The following ITPR1 variants were observed in gnomAD, a reference collection of about 807,000 sequenced individuals.
The protein encoded by ITPR1 is inositol 1,4,5-trisphosphate receptor type 1.
A neutral mutation model predicts 318.4 loss-of-function variants in ITPR1; 96 were observed. That is an observed-to-expected ratio of 0.30 (90% CI 0.26 to 0.36). The LOEUF (loss-of-function observed/expected upper bound fraction) is 0.36. Among genes scored for constraint, ITPR1 ranks in the 10% least tolerant of loss-of-function variants. ITPR1 has a pLI of 1.00. For synonymous variants in ITPR1, 1,312 were observed against 1,289.9 expected, an observed-to-expected ratio of 1.02 and a Z score of -0.37; for missense variants, 2,440 against 3,460.2, an observed-to-expected ratio of 0.71 and a Z score of 7.40.
At chr3:4,813,548 G>A (rs1262394634) in intron 57 of ITPR1, among the ~76,000 whole-genome samples, 1 of 152,156 alleles carries the variant, frequency 6.6e-6, no homozygotes, top group Non-Finnish European at 1.5e-5. Flanking sequence ...CCAATGCTGG[G>A]AATAAGGATG....
In ITPR1 at chr3:4,768,662, C is replaced by T; in HGVS notation, c.5877C>T (p.Asp1959=). ...GAGAGGGCACCCAGGCCACTGCCGA[C>T]AAGGCCAAGGACGACCTGGAGATGA... ...QPGEGTQATA[D]KAKDDLEMSA... The change falls in exon 46 of 62, where the codon GAC becomes GAT. Residue 1959 remains aspartate (D), a synonymous_variant. Transcript: ENST00000649015. 1.2e-6 allele frequency: 2 copies of T among 1,613,980 alleles called. No homozygotes were observed. The highest frequency in any genetic ancestry group is 1.7e-6 in the Non-Finnish European group (2 of 1,179,896).
intron 20 of ITPR1, among the ~76,000 whole-genome samples, chr3:4,672,068 C>A (rs1476270016): frequency 1.3e-5 from 2 of 152,192 alleles, no homozygotes; most frequent in Non-Finnish European, 2.9e-5. Context: ...ATTGATTTAT[C>A]ACATTTTCAT....
intron 12 of ITPR1, among the ~76,000 whole-genome samples, chr3:4,656,023 G>A (rs181183875): frequency 6.6e-5 from 10 of 152,218 alleles, no homozygotes; most frequent in South Asian, 2.1e-4. Flanking sequence ...TTTTTGCCTC[G>A]GACCTCACTT....
intron 42 of ITPR1, among the ~76,000 whole-genome samples, chr3:4,729,192 G>A (rs148734721): frequency 6.6e-6 from 1 of 152,152 alleles, no homozygotes; most frequent in South Asian, 2.1e-4. Context: ...CTTTTTGCCA[G>A]ATACTAGCTG....
chr3:4,792,778 G>A (rs370366700), intron 52 of ITPR1, among the ~76,000 whole-genome samples: 139 of 152,300 alleles, frequency 9.1e-4, no homozygotes, highest in African/African-American at 3.1e-3. Context: ...GCATGAACCA[G>A]CAGTTTCACT....
At chr3:4,638,255 G>C (rs1288013636) in intron 5 of ITPR1, among the ~76,000 whole-genome samples, 2 of 152,080 alleles carry the variant, frequency 1.3e-5, no homozygotes, top group Non-Finnish European at 2.9e-5. Flanking sequence ...TTATCATCAG[G>C]GTTTTACCAT....
chr3:4,644,035 C>T, intron 7 of ITPR1, 101 bp from the exon 8 acceptor site: 1 of 745,536 alleles, frequency 1.3e-6, no homozygotes, highest in South Asian at 1.5e-5. Flanking sequence ...TAGGCCTTGC[C>T]TTCTTCAGCA....
chr3:4,555,626 C>G (rs1277348152), intron 4 of ITPR1, among the ~76,000 whole-genome samples: 3 of 152,088 alleles, frequency 2.0e-5, no homozygotes, highest in Non-Finnish European at 4.4e-5. Context: ...ACTTACTAAT[C>G]TACAATCTAG....
chr3:4,765,910 G>A (rs1470157521), intron 44 of ITPR1, among the ~76,000 whole-genome samples: 1 of 152,174 alleles, frequency 6.6e-6, no homozygotes, highest in Non-Finnish European at 1.5e-5. Flanking sequence ...TTTGAAGCCT[G>A]ATTTGAAGAT....
intron 17 of ITPR1, 88 bp from the exon 18 acceptor site, chr3:4,667,289 C>T: frequency 9.7e-7 from 1 of 1,033,030 alleles, no homozygotes; most frequent in Non-Finnish European, 1.4e-6. Context: ...TAGTTCTCAT[C>T]AGGAAACATT....
chr3:4,604,805 C>G (rs1374758233), intron 4 of ITPR1, among the ~76,000 whole-genome samples: 3 of 152,074 alleles, frequency 2.0e-5, no homozygotes, highest in African/African-American at 7.2e-5. Flanking sequence ...CTAGCAATGG[C>G]AGGCTTATGT....
chr3:4,777,735 A>C (rs1177254693), intron 48 of ITPR1, among the ~76,000 whole-genome samples: 1 of 151,412 alleles, frequency 6.6e-6, no homozygotes, highest in Non-Finnish European at 1.5e-5. Flanking sequence ...ATTTTTCCCC[A>C]TTTGAGGGAA....
chr3:4,748,454 T>A (rs1290540950), intron 44 of ITPR1, among the ~76,000 whole-genome samples: 7 of 151,708 alleles, frequency 4.6e-5, no homozygotes, highest in Non-Finnish European at 8.8e-5. Context: ...CATTTTTTTT[T>A]AATAACAATG....
intron 32 of ITPR1, among the ~76,000 whole-genome samples, chr3:4,692,145 G>GAAAA (rs34301060): frequency 2.1e-5 from 3 of 143,370 alleles, no homozygotes; most frequent in Non-Finnish European, 1.5e-5. Flanking sequence ...TTGTCTCTTA[G>GAAAA]AAAAAAAATA....
intron 4 of ITPR1, among the ~76,000 whole-genome samples, chr3:4,619,650 GCTCTC>G (rs1456571718): frequency 4.3e-4 from 2 of 4,700 alleles, no homozygotes; most frequent in African/African-American, 1.9e-3. Context: ...GCTCTCCTCT[GCTCTC>G]CCCTGCTCTC....
chr3:4,503,242 G>T (rs534602699), intron 2 of ITPR1, among the ~76,000 whole-genome samples: 1 of 152,158 alleles, frequency 6.6e-6, no homozygotes, highest in Non-Finnish European at 1.5e-5. Context: ...TCATAAAAGG[G>T]AGTGGAAAAA....
chr3:4,524,767 A>C (rs148952012), intron 4 of ITPR1, among the ~76,000 whole-genome samples: 1 of 152,190 alleles, frequency 6.6e-6, no homozygotes, highest in Non-Finnish European at 1.5e-5. Flanking sequence ...CCTAATGGTT[A>C]ATAAAAGAGG....
chr3:4,729,531 G>T (rs561951826), intron 42 of ITPR1, among the ~76,000 whole-genome samples: 2 of 152,266 alleles, frequency 1.3e-5, no homozygotes, highest in Admixed American at 6.5e-5. Context: ...CTGGGAAACC[G>T]AAAGGTCAGT....
At chr3:4,786,576 G>C (rs2125404042) in intron 51 of ITPR1, among the ~76,000 whole-genome samples, 1 of 152,362 alleles carries the variant, frequency 6.6e-6, no homozygotes, top group East Asian at 1.9e-4. Flanking sequence ...AACCTCTGAG[G>C]AGGAAGAAGA....
Sources: gnomAD v4.1 joint callset for allele counts (sites outside exome capture counted in the v4.1 genomes callset) on GRCh38, gnomAD v4.1.1 for gene constraint, MANE v1.5 for transcripts, NCBI Gene and HGNC (gene_info 2026-07-23, HGNC 2026-07-21) for gene names.